Variants in POR observed in about 807,000 individuals in gnomAD.
The protein encoded by POR is cytochrome p450 oxidoreductase.
Under a neutral mutation model 84.0 loss-of-function variants are expected in POR, and 56 were observed. The observed-to-expected ratio is 0.67, with a 90% CI of 0.54 to 0.83. POR has a LOEUF of 0.83. Ranked by LOEUF, POR falls within the 40% of genes least tolerant of loss-of-function variation. The pLI, the probability that POR is intolerant of heterozygous loss-of-function variation, is 0.00. For missense variants in POR, 938 were observed against 944.3 expected, an observed-to-expected ratio of 0.99 and a Z score of 0.09; for synonymous variants, 414 against 400.5, an observed-to-expected ratio of 1.03 and a Z score of -0.40.
At position 75,984,838 on chromosome 7, in the gene POR, C is replaced by G; in HGVS notation, c.1128C>G (p.Tyr376Ter). 2 of 1,612,658 alleles carry G rather than the reference C, an allele frequency of 1.2e-6. No individual in the cohort carries two copies. The highest frequency in any genetic ancestry group is 2.2e-5 in the East Asian group (1 of 44,870). ...CGTCCTACCGCACGGCCCTCACCTACTACCTGGACATCACCAACCCGCCGC... is the reference window on the plus strand; with the variant it reads ...CGTCCTACCGCACGGCCCTCACCTAGTACCTGGACATCACCAACCCGCCGC... The change falls in exon 11 of 16, where the codon TAC (tyrosine) becomes TAG (stop). Residue 376 changes from tyrosine to a stop codon, truncating the protein, a stop_gained. Transcript: ENST00000461988. LOFTEE classifies it high-confidence loss of function.
chr7:75,965,205 C>T (rs532406851), intron 2 of POR, among the ~76,000 whole-genome samples: 24 of 152,234 alleles, frequency 1.6e-4, no homozygotes, highest in African/African-American at 5.3e-4. Context: ...CTCAGCCTAG[C>T]AGAAATTGAC....
At chr7:75,967,005 T>A (rs573853505) in intron 2 of POR, among the ~76,000 whole-genome samples, 3 of 152,212 alleles carry the variant, frequency 2.0e-5, no homozygotes, top group Non-Finnish European at 4.4e-5. Context: ...GGTCTCACTC[T>A]GTCAACCAGG....
At chr7:75,972,773 C>A in intron 3 of POR, 4 of 448,128 alleles carry the variant, frequency 8.9e-6, no homozygotes, top group Non-Finnish European at 1.7e-5. Flanking sequence ...AGGTAAATCT[C>A]ACAGAGCTGC....
At chr7:75,970,668 A>C (rs1338232765) in intron 2 of POR, among the ~76,000 whole-genome samples, 3 of 151,788 alleles carry the variant, frequency 2.0e-5, no homozygotes, top group African/African-American at 7.3e-5. Flanking sequence ...TCTTTAAGAA[A>C]ATGCCTCTTC....
intron 1 of POR, among the ~76,000 whole-genome samples, chr7:75,931,420 G>A (rs1366447422): frequency 2.0e-5 from 3 of 151,610 alleles, no homozygotes; most frequent in African/African-American, 7.3e-5. Flanking sequence ...AGGCTATAAT[G>A]CAGTGGTGCA....
At chr7:75,949,985 C>T (rs1276906321) in intron 1 of POR, among the ~76,000 whole-genome samples, 1 of 152,086 alleles carries the variant, frequency 6.6e-6, no homozygotes, top group Non-Finnish European at 1.5e-5. Flanking sequence ...CACCTCCCTC[C>T]TCCTGTTTCT....
intron 1 of POR, among the ~76,000 whole-genome samples, chr7:75,916,277 C>T (rs1806563567): frequency 6.6e-6 from 1 of 152,164 alleles, no homozygotes; most frequent in African/African-American, 2.4e-5. Context: ...TTTATGGAAC[C>T]CTCTGGGGGA....
At chr7:75,954,603 G>A (rs782344315) in intron 2 of POR, among the ~76,000 whole-genome samples, 1 of 151,850 alleles carries the variant, frequency 6.6e-6, no homozygotes, top group Admixed American at 6.6e-5. Flanking sequence ...GCGGTGGCAC[G>A]ATCAAGGTTC....
At chr7:75,926,093 T>G (rs1807109338) in intron 1 of POR, among the ~76,000 whole-genome samples, 1 of 148,900 alleles carries the variant, frequency 6.7e-6, no homozygotes, top group Non-Finnish European at 1.5e-5. Context: ...CATTGCTCAC[T>G]GCAGTCTCAA....
chr7:75,982,496 C>G (rs1789118444), intron 8 of POR, among the ~76,000 whole-genome samples, 174 bp downstream of exon 8: 1 of 152,184 alleles, frequency 6.6e-6, no homozygotes, highest in Non-Finnish European at 1.5e-5. Context: ...GAGACTGGCA[C>G]TCGCCCAGTT....
At chr7:75,970,178 T>C (rs569613177) in intron 2 of POR, among the ~76,000 whole-genome samples, 1 of 152,190 alleles carries the variant, frequency 6.6e-6, no homozygotes, top group East Asian at 2.0e-4. Context: ...GTTTAAAATA[T>C]CTGCTCTGCT....
At chr7:75,955,516 G>A (rs970792672) in intron 2 of POR, among the ~76,000 whole-genome samples, 1 of 152,158 alleles carries the variant, frequency 6.6e-6, no homozygotes, top group Non-Finnish European at 1.5e-5. Flanking sequence ...CCAGGGGCCC[G>A]CAGCCAGGTT....
chr7:75,972,812 C>A (rs1470468500), intron 3 of POR: 2 of 329,998 alleles, frequency 6.1e-6, no homozygotes, highest in Admixed American at 4.3e-5. Flanking sequence ...ATTTTCTCTC[C>A]GCTTTGTTTT....
chr7:75,927,120 C>T (rs1807168577), intron 1 of POR, among the ~76,000 whole-genome samples: 1 of 152,196 alleles, frequency 6.6e-6, no homozygotes, highest in Non-Finnish European at 1.5e-5. Flanking sequence ...CACCATTTAT[C>T]GATTCCCTGA....
Position 75,954,088 on chromosome 7 carries a change from T to C in POR, c.96T>C (p.Ile32=), listed in dbSNP as rs781863684. 2.5e-5 allele frequency: 41 copies of C among 1,613,160 alleles called. No homozygotes were observed. Among genetic ancestry groups the C allele is most frequent in the Non-Finnish European group, 3.5e-5 (41 of 1,179,578 alleles). ...CTCTTTTCAGCATGACGGACATGAT[T>C]CTGTTTTCGCTCATCGTGGGTCTCC... is the stretch of plus-strand genomic sequence containing the variant. The change falls in exon 2 of 16, where the codon ATT becomes ATC. Residue 32 remains isoleucine, a synonymous_variant. Coordinates refer to ENST00000461988, the MANE Select transcript of POR (RefSeq NM_000941.3).
At chr7:75,983,381 G>A (rs1789178647) in intron 8 of POR, 139 bp from the exon 9 acceptor site, 4 of 644,514 alleles carry the variant, frequency 6.2e-6, no homozygotes, top group South Asian at 5.7e-5. Flanking sequence ...GGCTGGGAGA[G>A]CCCTTGATGT....
At chr7:75,961,506 A>G (rs1554554524) in intron 2 of POR, among the ~76,000 whole-genome samples, 1 of 152,190 alleles carries the variant, frequency 6.6e-6, no homozygotes, top group East Asian at 1.9e-4. Context: ...AGTGCTTTAA[A>G]GAAAAATAAA....
intron 1 of POR, among the ~76,000 whole-genome samples, chr7:75,948,032 C>T (rs1787256813): frequency 6.6e-6 from 1 of 152,170 alleles, no homozygotes; most frequent in African/African-American, 2.4e-5. Context: ...CACCGCATGC[C>T]AGACACAGAG....
At chr7:75,950,773 A>G (rs1554552621) in intron 1 of POR, among the ~76,000 whole-genome samples, 3 of 152,226 alleles carry the variant, frequency 2.0e-5, no homozygotes, top group Admixed American at 2.0e-4. Context: ...TGTCATATCA[A>G]AAAAGCTGGC....
Sources: gnomAD v4.1 joint callset for allele counts (sites outside exome capture counted in the v4.1 genomes callset) on GRCh38, gnomAD v4.1.1 for gene constraint, MANE v1.5 for transcripts, NCBI Gene and HGNC (gene_info 2026-07-23, HGNC 2026-07-21) for gene names.